PCDHGA10: variants seen among roughly 807,000 people sequenced by gnomAD.
PCDHGA10 encodes protocadherin gamma-A10.
PCDHGA10 carries 42 observed loss-of-function variants against 59.5 expected under a neutral mutation model. The observed-to-expected ratio is 0.71, with a 90% CI of 0.55 to 0.91. The LOEUF is 0.91. Among genes scored for constraint, PCDHGA10 ranks in the 40% least tolerant of loss-of-function variants. The pLI, the probability that PCDHGA10 is intolerant of heterozygous loss-of-function variation, is 0.00. For synonymous variants in PCDHGA10, 511 were observed against 517.2 expected (o/e 0.99, Z 0.16); for missense variants, 1,111 against 1,198.2 (o/e 0.93, Z 1.07).
Position 141,431,473 on chromosome 5 carries a change from C to G in PCDHGA10, c.2436+15862C>G, listed in dbSNP as rs750300971. ...TGATGGTTCTGGATGCGAACGACAA[C>G]GCACCAGCGTTTGCTCAGCCCGAGT... On this transcript the variant is annotated intron_variant, in intron 1 of 3. Coordinates refer to ENST00000398610, the MANE Select transcript of PCDHGA10 (RefSeq NM_018913.3). This position sits in a 1 kb window ranked among gnomAD's most constrained non-coding sequence, Gnocchi z 4.8. 5.0e-6 allele frequency: 8 copies of G among 1,613,832 alleles called. No homozygotes were observed. The highest frequency in any genetic ancestry group is 1.7e-5 in the Admixed American group (1 of 60,026).
intron 1 of PCDHGA10, chr5:141,428,142 C>A: frequency 6.3e-7 from 1 of 1,594,260 alleles, no homozygotes; most frequent in Non-Finnish European, 8.6e-7. Flanking sequence ...CCTGGGGCTG[C>A]ACACGGGAAC....
At chr5:141,425,413 T>G (rs2096873899) in intron 1 of PCDHGA10, among the ~76,000 whole-genome samples, 1 of 152,202 alleles carries the variant, frequency 6.6e-6, no homozygotes, top group African/African-American at 2.4e-5. Context: ...AGGTATAACA[T>G]ATAGTCCCAT....
intron 1 of PCDHGA10, chr5:141,478,878 T>A: frequency 8.0e-7 from 1 of 1,250,194 alleles, no homozygotes; most frequent in Non-Finnish European, 1.1e-6. Flanking sequence ...GAGTTTAGCT[T>A]GGTATCATTT....
chr5:141,459,862 C>T (rs931723906), intron 1 of PCDHGA10, among the ~76,000 whole-genome samples: 3 of 152,158 alleles, frequency 2.0e-5, no homozygotes, highest in East Asian at 1.9e-4. Context: ...TTGAAGCATT[C>T]GTTCATCTTT....
At chr5:141,419,253 A>G in intron 1 of PCDHGA10, 4 of 1,613,990 alleles carry the variant, frequency 2.5e-6, no homozygotes, top group South Asian at 1.1e-5. Flanking sequence ...CCAGAAAACA[A>G]CCAGCCGGGT....
At chr5:141,463,900 C>G (rs879243077) in intron 1 of PCDHGA10, among the ~76,000 whole-genome samples, 4 of 152,168 alleles carry the variant, frequency 2.6e-5, no homozygotes, top group Admixed American at 2.6e-4. Context: ...GCTTTTTGTA[C>G]TAATAATATA....
intron 1 of PCDHGA10, chr5:141,423,851 C>A (rs1311833319): frequency 2.4e-6 from 3 of 1,275,940 alleles, no homozygotes; most frequent in East Asian, 3.1e-5. Context: ...TCTTTCAGAA[C>A]GTTTTTGTGA....
intron 1 of PCDHGA10, chr5:141,484,903 G>A: frequency 2.5e-6 from 1 of 407,434 alleles, no homozygotes; most frequent in Non-Finnish European, 4.4e-6. Context: ...CTCCAATGCT[G>A]CGACGCATTA....
At chr5:141,509,481 A>G (rs2099877035) in intron 3 of PCDHGA10, among the ~76,000 whole-genome samples, 1 of 152,010 alleles carries the variant, frequency 6.6e-6, no homozygotes, top group Admixed American at 6.6e-5. Flanking sequence ...TGAGGGGTAG[A>G]GGTGATGGCA....
Position 141,491,245 on chromosome 5 carries a change from G to A in PCDHGA10, c.2437-3562G>A, listed in dbSNP as rs1171588507. ...CACAGTGCTGCTGGTTCTGGAGGATGAGGACCCTGAGGAAATGCCCAAATC... is the reference window on the plus strand; with the variant it reads ...CACAGTGCTGCTGGTTCTGGAGGATAAGGACCCTGAGGAAATGCCCAAATC... On this transcript the variant is annotated intron_variant, in intron 1 of 3. Transcript: ENST00000398610. The surrounding 1 kb of genome is among the most constrained non-coding windows in gnomAD (Gnocchi z 6.9). 2 of 1,614,086 alleles carry A rather than the reference G, an allele frequency of 1.2e-6. No individual in the cohort carries two copies. Among genetic ancestry groups the A allele is most frequent in the East Asian group, 4.5e-5 (2 of 44,888 alleles).
intron 2 of PCDHGA10, among the ~76,000 whole-genome samples, chr5:141,500,788 A>T (rs1379810633): frequency 2.6e-5 from 4 of 152,198 alleles, no homozygotes; most frequent in Admixed American, 6.5e-5. Context: ...ATATTATTTT[A>T]CAGAATAAGT....
In PCDHGA10 at chr5:141,477,844, G is replaced by A. The variant is rs748180474; in HGVS notation, c.2437-16963G>A. On this transcript the variant is annotated intron_variant, in intron 1 of 3. Coordinates refer to ENST00000398610, the MANE Select transcript of PCDHGA10 (RefSeq NM_018913.3). This position sits in a 1 kb window ranked among gnomAD's most constrained non-coding sequence, Gnocchi z 4.9. ...TATATCCTCGGCCAGGTGGGAGCTC[G>A]GTGGAGATGCTGCCTCGAGGTACCT... The A allele has an allele frequency of 6.2e-7, 1 of 1,613,394 alleles. No individual in the cohort carries two copies.
intron 1 of PCDHGA10, chr5:141,423,721 T>C (rs2096769391): frequency 8.3e-7 from 1 of 1,208,140 alleles, no homozygotes; most frequent in East Asian, 3.8e-5. Flanking sequence ...TTTAAGGAGA[T>C]GTTTTTTGAG....
intron 1 of PCDHGA10, chr5:141,423,750 TGGGG>T: frequency 7.0e-5 from 20 of 287,406 alleles, no homozygotes; most frequent in Non-Finnish European, 9.0e-5. Context: ...GAAAACTGTT[TGGGG>T]GGGGGGTGGG....
rs751563833 is a variant in PCDHGA10 at position 141,421,382 on chromosome 5, A to T, written c.2436+5771A>T. 5.6e-6 allele frequency: 9 copies of T among 1,613,906 alleles called. No homozygotes were observed. The South Asian group carries it at 8.8e-5, about 16-fold the overall frequency. ...TCCTTCGTGGGCAATATCTCCAAGG[A>T]CCTGGGGCTGGAGCCCCGGGAGCTG... On this transcript the variant is annotated intron_variant, in intron 1 of 3. Transcript: ENST00000398610.
chr5:141,477,245 A>G lies in PCDHGA10; in HGVS notation c.2437-17562A>G. On this transcript the variant is annotated intron_variant, in intron 1 of 3. Transcript: ENST00000398610. The surrounding 1 kb of genome is among the most constrained non-coding windows in gnomAD (Gnocchi z 4.9). ...GACTGTCATCGCTTTGCTCAGTGTG[A>G]CTGACCTGGATGCTGGCGAGAACGG... 3.7e-6 allele frequency: 6 copies of G among 1,614,128 alleles called. No homozygotes were observed. The highest frequency in any genetic ancestry group is 5.1e-6 in the Non-Finnish European group (6 of 1,180,026).
intron 1 of PCDHGA10, among the ~76,000 whole-genome samples, chr5:141,471,887 G>T (rs1215891997): frequency 6.6e-6 from 1 of 152,152 alleles, no homozygotes; most frequent in African/African-American, 2.4e-5. Context: ...CTGAAGCTAG[G>T]AAGATTGACT....
At chr5:141,502,300 TTCCTC>T (rs139569110) in intron 2 of PCDHGA10, among the ~76,000 whole-genome samples, 4,853 of 152,256 alleles carry the variant, frequency 0.032, 250 homozygotes, top group African/African-American at 0.11. Flanking sequence ...TGTCACGTCT[TTCCTC>T]TCCTTTAATC....
chr5:141,429,395 A>T (rs545207705), intron 1 of PCDHGA10, among the ~76,000 whole-genome samples: 166 of 152,126 alleles, frequency 1.1e-3, no homozygotes, highest in African/African-American at 3.8e-3. Flanking sequence ...TTTAAAAAAA[A>T]TTGAGATTAA....
Sources: gnomAD v4.1 joint callset for allele counts (sites outside exome capture counted in the v4.1 genomes callset) on GRCh38, gnomAD v4.1.1 for gene constraint, Gnocchi (gnomAD v3.1) non-coding constraint, MANE v1.5 for transcripts, NCBI Gene and HGNC (gene_info 2026-07-23, HGNC 2026-07-21) for gene names.